FHIP1A: variants seen among roughly 807,000 people sequenced by gnomAD.
FHIP1A encodes FHF complex subunit HOOK interacting protein 1A.
A neutral mutation model predicts 88.6 loss-of-function variants in FHIP1A; 61 were observed. The ratio of observed to expected loss-of-function variants is 0.69; its 90% CI spans 0.56 to 0.85. The LOEUF (loss-of-function observed/expected upper bound fraction) is 0.85, where lower values mean the gene tolerates loss of function less well. Ranked by LOEUF, FHIP1A falls within the 40% of genes least tolerant of loss-of-function variation. The pLI, the probability that FHIP1A is intolerant of heterozygous loss-of-function variation, is 0.00. For missense variants in FHIP1A, 1,154 were observed against 1,273.5 expected (o/e 0.91, Z 1.43); for synonymous variants, 478 against 496.0 (o/e 0.96, Z 0.48).
intron 2 of FHIP1A, among the ~76,000 whole-genome samples, chr4:151,457,122 G>A (rs1395930498): frequency 6.6e-6 from 1 of 152,004 alleles, no homozygotes; most frequent in Non-Finnish European, 1.5e-5. Flanking sequence ...ATATGGTCTT[G>A]TAGTGGGGCT....
At chr4:151,531,982 GGTAA>G (rs1659105865) in intron 3 of FHIP1A, among the ~76,000 whole-genome samples, 2 of 152,148 alleles carry the variant, frequency 1.3e-5, no homozygotes, top group African/African-American at 4.8e-5. Flanking sequence ...AAATAAAAAA[GGTAA>G]GTTTTGCTCA....
In FHIP1A at chr4:151,629,756, A is replaced by G. The variant is rs1323061746; in HGVS notation, c.1033A>G (p.Ser345Gly). 12 of 1,551,432 alleles carry G rather than the reference A, an allele frequency of 7.7e-6. No individual in the cohort carries two copies. The highest frequency in any genetic ancestry group is 1.0e-5 in the Non-Finnish European group (12 of 1,146,814). Residue 345 changes from serine to glycine, a missense_variant, in exon 8 of 14, where the codon AGC (serine) becomes GGC (glycine). Transcript: ENST00000435205. Reference protein sequence around the residue: ...TTAYLDLFLRSISEPALLEIF... With the variant: ...TTAYLDLFLRGISEPALLEIF... ...TGCATATCTGGACCTTTTCCTGCGT[A>G]GCATCTCCGAGCCAGCACTACTTGA...
At chr4:151,501,182 A>G (rs2126662670) in intron 3 of FHIP1A, among the ~76,000 whole-genome samples, 1 of 152,326 alleles carries the variant, frequency 6.6e-6, no homozygotes, top group Admixed American at 6.5e-5. Context: ...AATTTGGGAC[A>G]TTTGGATCAA....
At chr4:151,624,521 C>A (rs1382475690) in intron 7 of FHIP1A, among the ~76,000 whole-genome samples, 2 of 152,106 alleles carry the variant, frequency 1.3e-5, no homozygotes, top group Admixed American at 1.3e-4. Context: ...CCCTTTTCTC[C>A]CAGAAGGCAT....
chr4:151,556,901 G>A (rs1362661146), intron 3 of FHIP1A, among the ~76,000 whole-genome samples: 1 of 151,974 alleles, frequency 6.6e-6, no homozygotes, highest in East Asian at 1.9e-4. Flanking sequence ...AGTGCCTACT[G>A]CTTTGTTGGA....
In FHIP1A at chr4:151,647,887, A is replaced by G. The variant is rs146402558; in HGVS notation, c.1417+1139A>G. Among the ~76,000 whole-genome samples the G allele has an allele frequency of 1.5e-4, 23 of 152,296 alleles. 1 individual carries two copies. The highest frequency in any genetic ancestry group is 5.3e-4 in the African/African-American group (22 of 41,554). On this transcript the variant is annotated intron_variant, in intron 10 of 13. Coordinates refer to ENST00000435205, the MANE Select transcript of FHIP1A (RefSeq NM_001109977.3). ...ACTTGCCAACTTCTCTCCTGGTGTGATCACTTTTAATGCTTTGAAGAAGGT... is the reference window on the plus strand; with the variant it reads ...ACTTGCCAACTTCTCTCCTGGTGTGGTCACTTTTAATGCTTTGAAGAAGGT...
intron 7 of FHIP1A, among the ~76,000 whole-genome samples, chr4:151,591,021 G>A (rs892983249): frequency 4.2e-4 from 64 of 151,978 alleles, no homozygotes; most frequent in African/African-American, 1.5e-3. Context: ...AGCAACTAGG[G>A]AGAACAAAGA....
At chr4:151,623,014 G>T (rs1735806004) in intron 7 of FHIP1A, among the ~76,000 whole-genome samples, 1 of 152,176 alleles carries the variant, frequency 6.6e-6, no homozygotes, top group Non-Finnish European at 1.5e-5. Flanking sequence ...GTAGCCATTT[G>T]CTGAATCCTC....
At chr4:151,547,421 C>CA (rs1732547617) in intron 3 of FHIP1A, among the ~76,000 whole-genome samples, 4 of 151,806 alleles carry the variant, frequency 2.6e-5, no homozygotes, top group Non-Finnish European at 4.4e-5. Flanking sequence ...TTTTTTCCCC[C>CA]AAAAAAACGT....
intron 3 of FHIP1A, among the ~76,000 whole-genome samples, chr4:151,560,226 G>A (rs938643840): frequency 3.9e-5 from 6 of 152,154 alleles, no homozygotes; most frequent in Admixed American, 3.9e-4. Context: ...GTTTCAAAAG[G>A]TAAGCATCAC....
chr4:151,468,745 G>T (rs954019153), intron 2 of FHIP1A, among the ~76,000 whole-genome samples: 1 of 152,140 alleles, frequency 6.6e-6, no homozygotes, highest in Non-Finnish European at 1.5e-5. Context: ...ACTTACCAGG[G>T]CCTCATTTGT....
At position 151,577,850 on chromosome 4, in the gene FHIP1A, T is replaced by A; in HGVS notation, c.506T>A (p.Leu169His). 1 of 1,551,994 alleles carries A rather than the reference T, an allele frequency of 6.4e-7. No individual in the cohort carries two copies. The highest frequency in any genetic ancestry group is 8.7e-7 in the Non-Finnish European group (1 of 1,147,050). ...AAGCTGGTTGTCCTACTCAATCAGC[T>A]CTGTTCCATTCTTGCCAAAGATCCA... ...EEKLVVLLNQ[L>H]CSILAKDPSI... The change falls in exon 5 of 14, where the codon CTC (leucine) becomes CAC (histidine). Residue 169 changes from leucine to histidine, a missense_variant. By Grantham distance (99) the Leu-to-His change is moderately conservative. Transcript: ENST00000435205.
chr4:151,448,346 C>T (rs1728679444), intron 1 of FHIP1A, among the ~76,000 whole-genome samples: 1 of 152,170 alleles, frequency 6.6e-6, no homozygotes, highest in African/African-American at 2.4e-5. Context: ...AGTTTTTAAG[C>T]ATACAGTTCA....
In FHIP1A at chr4:151,452,636, G is replaced by C. The variant is rs571918520; in HGVS notation, c.-355-2065G>C. ...ATAGATGTATATATAAACTAGCTGG[G>C]TGTGGTGGCTCATGCCTGTAGTCCC... On this transcript the variant is annotated intron_variant, in intron 1 of 13. Transcript: ENST00000435205. 4.6e-5 allele frequency among the ~76,000 whole-genome samples: 7 copies of C among 152,170 alleles called. No individual in the cohort carries two copies. In the East Asian group the frequency reaches 1.4e-3, roughly 29 times the overall value.
chr4:151,644,114 T>C (rs185461703), intron 9 of FHIP1A, among the ~76,000 whole-genome samples: 1 of 152,324 alleles, frequency 6.6e-6, no homozygotes, highest in East Asian at 1.9e-4. Flanking sequence ...AGCAGTTTAT[T>C]TCTTAAATAA....
rs551842187 is a variant in FHIP1A at position 151,570,573 on chromosome 4, T to C, written c.105+4209T>C. On this transcript the variant is annotated intron_variant, in intron 4 of 13. Transcript: ENST00000435205. ...CTCAAGAGATCCTGCTCCCTCAGTC[T>C]CCCAAATAGCTGGGACTGCAGAGAT... 3.3e-5 allele frequency among the ~76,000 whole-genome samples: 5 copies of C among 152,270 alleles called. No individual in the cohort carries two copies. In the East Asian group the frequency reaches 9.6e-4, roughly 29 times the overall value.
intron 10 of FHIP1A, among the ~76,000 whole-genome samples, chr4:151,648,636 C>T (rs994688218): frequency 6.6e-6 from 1 of 151,786 alleles, no homozygotes; most frequent in Admixed American, 6.6e-5. Context: ...ATCTCTGAGC[C>T]TCAATTTCTT....
At chr4:151,459,641 A>G (rs1205788033) in intron 2 of FHIP1A, among the ~76,000 whole-genome samples, 2 of 152,178 alleles carry the variant, frequency 1.3e-5, no homozygotes, top group Admixed American at 6.5e-5. Context: ...TCAGCTTCCT[A>G]TTGTGGAAGA....
At chr4:151,527,203 G>A (rs1318494605) in intron 3 of FHIP1A, among the ~76,000 whole-genome samples, 1 of 152,232 alleles carries the variant, frequency 6.6e-6, no homozygotes, top group Non-Finnish European at 1.5e-5. Flanking sequence ...AGCGAGCCGA[G>A]ATCACGCCAC....
Sources: gnomAD v4.1 joint callset for allele counts (sites outside exome capture counted in the v4.1 genomes callset) on GRCh38, gnomAD v4.1.1 for gene constraint, MANE v1.5 for transcripts, NCBI Gene and HGNC (gene_info 2026-07-23, HGNC 2026-07-21) for gene names.